The following FOXO3 variants were observed in gnomAD, a reference collection of about 807,000 sequenced individuals.
FOXO3 encodes forkhead box O3.
A neutral mutation model predicts 41.9 loss-of-function variants in FOXO3; 4 were observed. That is an observed-to-expected ratio of 0.10 (90% confidence interval 0.05 to 0.22). The LOEUF (loss-of-function observed/expected upper bound fraction) is 0.22, where lower values mean the gene tolerates loss of function less well. FOXO3 is among the 10% of genes least tolerant of loss of function. The pLI is 1.00. For synonymous variants in FOXO3, 318 were observed against 389.3 expected, an observed-to-expected ratio of 0.82 and a Z score of 2.16; for missense variants, 534 against 906.8, an observed-to-expected ratio of 0.59 and a Z score of 5.28.
At chr6:108,679,243 A>G (rs1481419573) in intron 2 of FOXO3, among the ~76,000 whole-genome samples, 1 of 152,182 alleles carries the variant, frequency 6.6e-6, no homozygotes, top group African/African-American at 2.4e-5. Context: ...AGGGGAGTCA[A>G]GATTACCCAC....
At chr6:108,678,493 C>CTTTTTT (rs11417953) in intron 2 of FOXO3, among the ~76,000 whole-genome samples, 1 of 143,652 alleles carries the variant, frequency 7.0e-6, no homozygotes. Flanking sequence ...TATGAATATA[C>CTTTTTT]TTTTTTTTTT....
At chr6:108,675,419 C>T (rs942712882) in intron 2 of FOXO3, among the ~76,000 whole-genome samples, 1 of 152,220 alleles carries the variant, frequency 6.6e-6, no homozygotes, top group African/African-American at 2.4e-5. Context: ...GACTGGTTCA[C>T]CTGCTGCCTT....
intron 1 of FOXO3, among the ~76,000 whole-genome samples, chr6:108,573,001 C>G (rs1480942845): frequency 1.3e-5 from 2 of 151,996 alleles, no homozygotes; most frequent in African/African-American, 4.8e-5. Flanking sequence ...AATTAAAGAG[C>G]TTTTGGCCGG....
intron 1 of FOXO3, among the ~76,000 whole-genome samples, chr6:108,608,278 C>T (rs955424764): frequency 9.2e-5 from 14 of 152,158 alleles, no homozygotes; most frequent in African/African-American, 3.1e-4. Context: ...AAAACTGATG[C>T]TTGGATAAAT....
At chr6:108,675,692 C>T (rs748953452) in intron 2 of FOXO3, among the ~76,000 whole-genome samples, 26 of 152,118 alleles carry the variant, frequency 1.7e-4, no homozygotes, top group Non-Finnish European at 3.4e-4. Flanking sequence ...GCAAACTTTC[C>T]TCAAATCATC....
At chr6:108,574,532 T>A (rs985537295) in intron 1 of FOXO3, among the ~76,000 whole-genome samples, 1 of 152,148 alleles carries the variant, frequency 6.6e-6, no homozygotes, top group Admixed American at 6.6e-5. Flanking sequence ...TGCTGCCAAA[T>A]CAGAAATCAT....
Position 108,684,542 on chromosome 6 carries a change from C to G in FOXO3, c.*4750C>G, listed in dbSNP as rs1770991081. ...CGAACACTATCATATGGCATTCTTA[C>G]TGAGGATTTTGTCTAACCATATGTT... On this transcript the variant is annotated 3_prime_UTR_variant, in exon 3 of 3. Coordinates refer to ENST00000406360, the MANE Select transcript of FOXO3 (RefSeq NM_001455.4). The G allele has an allele frequency of 6.6e-6, 1 of 152,568 alleles. No individual in the cohort carries two copies. Among genetic ancestry groups the G allele is most frequent in the Non-Finnish European group, 1.5e-5 (1 of 68,030 alleles). The allele number at this position is 152,568 out of a possible 1,614,324, so 9.5% of individuals were successfully genotyped here. A position where few individuals can be genotyped will look rare whatever the true frequency, so the allele number is the denominator to read the frequency against.
chr6:108,661,894 A>G (rs1298718294), intron 1 of FOXO3, among the ~76,000 whole-genome samples: 1 of 152,172 alleles, frequency 6.6e-6, no homozygotes, highest in African/African-American at 2.4e-5. Context: ...ATTTACAGAA[A>G]AGTTGCAGAG....
chr6:108,603,291 T>A (rs1157869383), intron 1 of FOXO3, among the ~76,000 whole-genome samples: 1 of 152,192 alleles, frequency 6.6e-6, no homozygotes, highest in African/African-American at 2.4e-5. Context: ...TTCTTACAAA[T>A]AAATGAATAA....
intron 1 of FOXO3, among the ~76,000 whole-genome samples, chr6:108,662,799 T>C (rs1023460093): frequency 8.5e-5 from 13 of 152,170 alleles, no homozygotes; most frequent in African/African-American, 2.9e-4. Flanking sequence ...ATTCCAAGTG[T>C]GAACTTCAAT....
chr6:108,629,402 G>A (rs907711791), intron 1 of FOXO3, among the ~76,000 whole-genome samples: 18 of 152,156 alleles, frequency 1.2e-4, no homozygotes, highest in African/African-American at 4.3e-4. Flanking sequence ...GTGGATTCAA[G>A]TAAGGTAAGG....
At chr6:108,658,849 C>CTTTT (rs1213715552) in intron 1 of FOXO3, among the ~76,000 whole-genome samples, 1 of 151,316 alleles carries the variant, frequency 6.6e-6, no homozygotes, top group Non-Finnish European at 1.5e-5. Context: ...TTCTGAAAGA[C>CTTTT]TTTTTTTTGT....
chr6:108,641,098 CAG>C (rs1231318128), intron 1 of FOXO3, among the ~76,000 whole-genome samples: 1 of 151,972 alleles, frequency 6.6e-6, no homozygotes, highest in Admixed American at 6.6e-5. Flanking sequence ...TTAGTAGAGA[CAG>C]GGTTTCACCA....
chr6:108,604,937 A>G (rs1401414895), intron 1 of FOXO3, among the ~76,000 whole-genome samples: 1 of 152,154 alleles, frequency 6.6e-6, no homozygotes, highest in Non-Finnish European at 1.5e-5. Flanking sequence ...ATTTGAAGTC[A>G]AATGTTTCTG....
chr6:108,622,541 ATT>A (rs1777698857), intron 1 of FOXO3, among the ~76,000 whole-genome samples: 1 of 151,546 alleles, frequency 6.6e-6, no homozygotes, highest in African/African-American at 2.4e-5. Flanking sequence ...GTTTTGTTTT[ATT>A]TGTTTTGTTT....
intron 1 of FOXO3, among the ~76,000 whole-genome samples, chr6:108,649,008 TAA>T (rs10612637): frequency 0.064 from 5,072 of 79,086 alleles, 126 homozygotes; most frequent in Middle Eastern, 0.089. Flanking sequence ...ACCTATCTCT[TAA>T]AAAAAAAAAA....
chr6:108,603,071 C>T (rs1253859666), intron 1 of FOXO3, among the ~76,000 whole-genome samples: 1 of 151,668 alleles, frequency 6.6e-6, no homozygotes, highest in African/African-American at 2.4e-5. Context: ...CAATGTAAGA[C>T]TTTTTTTCCC....
At position 108,672,351 on chromosome 6, in the gene FOXO3, C is replaced by T. The variant is rs182602790; in HGVS notation, c.*34+7462C>T. On this transcript the variant is annotated intron_variant, in intron 2 of 2. Coordinates refer to ENST00000406360, the MANE Select transcript of FOXO3 (RefSeq NM_001455.4). ...AGTCACTGTACCCTTAACATCTCTT[C>T]GAATTCTAAGTTGAGTGAAAACCCA... 6.6e-5 allele frequency among the ~76,000 whole-genome samples: 10 copies of T among 152,190 alleles called. No individual in the cohort carries two copies. In the East Asian group the frequency reaches 1.4e-3, roughly 21 times the overall value.
chr6:108,641,243 T>C (rs556816275), intron 1 of FOXO3, among the ~76,000 whole-genome samples: 2 of 152,308 alleles, frequency 1.3e-5, no homozygotes, highest in South Asian at 4.1e-4. Context: ...AAGGGATTGT[T>C]GTAGCTAATT....
Sources: gnomAD v4.1 joint callset for allele counts (sites outside exome capture counted in the v4.1 genomes callset) on GRCh38, gnomAD v4.1.1 for gene constraint, MANE v1.5 for transcripts, NCBI Gene and HGNC (gene_info 2026-07-23, HGNC 2026-07-21) for gene names.